The following RUNX2 variants were observed in gnomAD, a reference collection of about 807,000 sequenced individuals.
RUNX2 encodes RUNX family transcription factor 2, also known as runt-related transcription factor 2.
A neutral mutation model predicts 51.7 loss-of-function variants in RUNX2; 10 were observed. That is an observed-to-expected ratio of 0.19 (90% CI 0.12 to 0.33). The LOEUF is 0.33. Ranked by LOEUF, RUNX2 falls within the 10% of genes least tolerant of loss-of-function variation. The pLI, the probability that RUNX2 is intolerant of heterozygous loss-of-function variation, is 1.00. For missense variants in RUNX2, 562 were observed against 691.3 expected (o/e 0.81, Z 2.10); for synonymous variants, 276 against 273.6 (o/e 1.01, Z -0.09).
At chr6:45,502,493 A>G (rs1800825393) in intron 6 of RUNX2, among the ~76,000 whole-genome samples, 1 of 152,068 alleles carries the variant, frequency 6.6e-6, no homozygotes, top group Non-Finnish European at 1.5e-5. Context: ...GCCGGCCCAA[A>G]TCACTCCCAG....
Position 45,430,229 on chromosome 6 carries a change from C to G in RUNX2, c.424-1634C>G, listed in dbSNP as rs145372788. On this transcript the variant is annotated intron_variant, in intron 3 of 8. Transcript: ENST00000647337. ...TTTCCTAACTCATATAATCTGGACT[C>G]CTAGGAGTGAGTCCCTCAGCTTTGG... Among the ~76,000 whole-genome samples the G allele has an allele frequency of 8.5e-4, 129 of 152,238 alleles. 1 individual carries two copies. Among genetic ancestry groups the G allele is most frequent in the African/African-American group, 2.9e-3 (122 of 41,532 alleles).
At chr6:45,401,006 A>G (rs1178347902) in intron 2 of RUNX2, among the ~76,000 whole-genome samples, 1 of 152,160 alleles carries the variant, frequency 6.6e-6, no homozygotes, top group Non-Finnish European at 1.5e-5. Context: ...TAAGTATATG[A>G]GTGTTTGCTG....
intron 5 of RUNX2, among the ~76,000 whole-genome samples, chr6:45,450,637 A>C (rs1353679266): frequency 6.6e-6 from 1 of 152,210 alleles, no homozygotes; most frequent in Non-Finnish European, 1.5e-5. Context: ...AGAGTGGTCC[A>C]AGGAAGGCCT....
intron 5 of RUNX2, among the ~76,000 whole-genome samples, chr6:45,487,203 C>T (rs190059698): frequency 1.8e-3 from 277 of 152,102 alleles, no homozygotes; most frequent in Middle Eastern, 3.4e-3. Context: ...CATGATTTCC[C>T]CTGAATGACT....
At chr6:45,407,366 A>C (rs1031210886) in intron 2 of RUNX2, among the ~76,000 whole-genome samples, 1 of 152,212 alleles carries the variant, frequency 6.6e-6, no homozygotes, top group Non-Finnish European at 1.5e-5. Context: ...TATGTAATGC[A>C]GGGGAAATAC....
intron 2 of RUNX2, among the ~76,000 whole-genome samples, chr6:45,346,242 C>A (rs1399341494): frequency 6.6e-6 from 1 of 152,102 alleles, no homozygotes; most frequent in Non-Finnish European, 1.5e-5. Context: ...TATAATTCTA[C>A]TAGACAGGTG....
chr6:45,512,799 C>T (rs180869636), intron 7 of RUNX2, among the ~76,000 whole-genome samples: 2,602 of 152,088 alleles, frequency 0.017, 82 homozygotes, highest in African/African-American at 0.06. Context: ...TGGCACAGCC[C>T]TCCATTCCTA....
At chr6:45,404,492 A>G (rs1797791787) in intron 2 of RUNX2, among the ~76,000 whole-genome samples, 1 of 152,148 alleles carries the variant, frequency 6.6e-6, no homozygotes, top group African/African-American at 2.4e-5. Flanking sequence ...GCCAATGTGA[A>G]AACAGCTTTC....
intron 7 of RUNX2, among the ~76,000 whole-genome samples, chr6:45,541,784 T>C (rs1160975478): frequency 6.6e-6 from 1 of 152,224 alleles, no homozygotes; most frequent in Non-Finnish European, 1.5e-5. Context: ...CAAGAGGACA[T>C]GGGGCATGGG....
intron 5 of RUNX2, among the ~76,000 whole-genome samples, chr6:45,472,860 G>T (rs1216362335): frequency 6.6e-6 from 1 of 152,166 alleles, no homozygotes; most frequent in Non-Finnish European, 1.5e-5. Flanking sequence ...GAGGAAAAGG[G>T]TATCTTTCTG....
chr6:45,513,702 G>GA (rs1801233159), intron 7 of RUNX2: 1 of 152,160 alleles, frequency 6.6e-6, no homozygotes, highest in Admixed American at 6.5e-5. Context: ...AGGTTTTTTG[G>GA]AAAACCATGT....
intron 2 of RUNX2, among the ~76,000 whole-genome samples, chr6:45,414,607 A>G (rs1798023435): frequency 6.6e-6 from 1 of 152,098 alleles, no homozygotes; most frequent in African/African-American, 2.4e-5. Context: ...ATTTTATTTT[A>G]TCATAGAGTC....
At position 45,506,656 on chromosome 6, in the gene RUNX2, T is replaced by TTTG. The variant is rs555930953; in HGVS notation, c.860-5574_860-5572dup. Among the ~76,000 whole-genome samples, 29 of 152,146 alleles carry TTTG rather than the reference T, an allele frequency of 1.9e-4. 1 individual carries two copies. In the South Asian group the frequency reaches 4.6e-3, roughly 24 times the overall value. ...AAAATATTTAAAGTTCAACAACAGT[T>TTTG]TTGTTGTTGTTGTTGTTGAGACAAA... On this transcript the variant is annotated intron_variant, in intron 6 of 8. Transcript: ENST00000647337.
intron 7 of RUNX2, among the ~76,000 whole-genome samples, chr6:45,541,936 G>A (rs970730309): frequency 6.6e-6 from 1 of 152,132 alleles, no homozygotes; most frequent in African/African-American, 2.4e-5. Flanking sequence ...ATGAGAAAAT[G>A]TATGTTAAAG....
chr6:45,384,653 A>C lies in RUNX2; in HGVS notation c.59-37940A>C, dbSNP rs551426786. On this transcript the variant is annotated intron_variant, in intron 2 of 8. Coordinates refer to ENST00000647337, the MANE Select transcript of RUNX2 (RefSeq NM_001024630.4). ...AATGTTTATATTTTTAATGTGTTAG[A>C]CATAGTACTATTAAACACAAAATCT... 6.0e-5 allele frequency among the ~76,000 whole-genome samples: 9 copies of C among 149,418 alleles called. No individual in the cohort carries two copies. The South Asian group carries it at 1.9e-3, about 32-fold the overall frequency.
At chr6:45,488,308 G>A (rs1800344145) in intron 5 of RUNX2, among the ~76,000 whole-genome samples, 1 of 152,114 alleles carries the variant, frequency 6.6e-6, no homozygotes, top group Admixed American at 6.5e-5. Flanking sequence ...TGAGATGGGG[G>A]ACTATTAGAG....
At chr6:45,524,139 C>A (rs768163320) in intron 7 of RUNX2, among the ~76,000 whole-genome samples, 2 of 152,076 alleles carry the variant, frequency 1.3e-5, no homozygotes, top group African/African-American at 4.8e-5. Flanking sequence ...AACAGGAAGG[C>A]GTATTTTCTG....
chr6:45,361,065 G>T (rs1794167175), intron 2 of RUNX2, among the ~76,000 whole-genome samples: 1 of 152,108 alleles, frequency 6.6e-6, no homozygotes, highest in Non-Finnish European at 1.5e-5. Flanking sequence ...TTGTGCCTAA[G>T]AGTTTGAAAC....
At chr6:45,433,680 C>A (rs1798605146) in intron 4 of RUNX2, among the ~76,000 whole-genome samples, 1 of 152,048 alleles carries the variant, frequency 6.6e-6, no homozygotes, top group South Asian at 2.1e-4. Context: ...TGTAAACCCT[C>A]AACATATTTA....
Sources: allele counts gnomAD v4.1 joint callset (sites outside exome capture counted in the v4.1 genomes callset), GRCh38; gene constraint gnomAD v4.1.1; transcripts MANE v1.5; gene names NCBI Gene and HGNC (gene_info 2026-07-23, HGNC 2026-07-21).